Variants in FCF1 observed in about 807,000 individuals in gnomAD.
FCF1 encodes rRNA-processing protein FCF1 homolog.
FCF1 carries 17 observed loss-of-function variants against 32.5 expected under a neutral mutation model. That is an observed-to-expected ratio of 0.52 (90% CI 0.36 to 0.78). FCF1 has a LOEUF of 0.78. Among genes scored for constraint, FCF1 ranks in the 30% least tolerant of loss-of-function variants. The pLI is 0.00. For synonymous variants in FCF1, 84 were observed against 78.4 expected (o/e 1.07, Z -0.38); for missense variants, 201 against 241.1 (o/e 0.83, Z 1.10).
At chr14:74,726,971 G>A (rs1477693063) in intron 5 of FCF1, among the ~76,000 whole-genome samples, 1 of 152,008 alleles carries the variant, frequency 6.6e-6, no homozygotes, top group Non-Finnish European at 1.5e-5. Flanking sequence ...ATTCCATGGT[G>A]TATATGTGCC....
At chr14:74,717,806 A>G (rs1303057028) in intron 4 of FCF1, among the ~76,000 whole-genome samples, 1 of 152,166 alleles carries the variant, frequency 6.6e-6, no homozygotes, top group Non-Finnish European at 1.5e-5. Context: ...TACCTCCACC[A>G]GTAATATCTA....
intron 6 of FCF1, among the ~76,000 whole-genome samples, chr14:74,733,735 C>T (rs2090668064): frequency 6.6e-6 from 1 of 152,082 alleles, no homozygotes; most frequent in Admixed American, 6.6e-5. Flanking sequence ...CATGGAGTTC[C>T]TCGGAGCATT....
At chr14:74,722,930 C>T (rs2090525443) in intron 4 of FCF1, among the ~76,000 whole-genome samples, 2 of 151,420 alleles carry the variant, frequency 1.3e-5, no homozygotes, top group Admixed American at 6.6e-5. Flanking sequence ...CCACTGCGCT[C>T]CAGCCTGGGC....
chr14:74,713,239 A>G (rs766221110), intron 1 of FCF1, 39 bp downstream of exon 1: 23 of 1,614,166 alleles, frequency 1.4e-5, no homozygotes, highest in Non-Finnish European at 1.9e-5. Flanking sequence ...TTATCAGGCC[A>G]CTTTTTGGGT....
At chr14:74,726,468 T>C (rs2090579318) in intron 5 of FCF1, among the ~76,000 whole-genome samples, 1 of 151,340 alleles carries the variant, frequency 6.6e-6, no homozygotes, top group Non-Finnish European at 1.5e-5. Context: ...AGACCCTGTC[T>C]CAAAAAAAAA....
intron 4 of FCF1, 128 bp downstream of exon 4, chr14:74,716,227 C>A: frequency 1.2e-6 from 1 of 855,856 alleles, no homozygotes; most frequent in Non-Finnish European, 1.9e-6. Context: ...CAGTGGTCAC[C>A]ATAGCAGTGA....
Position 74,736,144 on chromosome 14 carries a change from C to G in FCF1, c.*1214C>G. On this transcript the variant is annotated 3_prime_UTR_variant, in exon 8 of 8. Coordinates refer to ENST00000341162, the MANE Select transcript of FCF1 (RefSeq NM_015962.5). ...AAAAACTAGGCCAGGCATGGTGGCT[C>G]ATTCCTGTAATCCCAGCACTTTGGG... 1 of 152,248 alleles carries G rather than the reference C, an allele frequency of 6.6e-6. No individual in the cohort carries two copies. Among genetic ancestry groups the G allele is most frequent in the East Asian group, 1.9e-4 (1 of 5,184 alleles). 9.4% of individuals were successfully genotyped at this position (152,248 alleles called of 1,614,324 possible).
Position 74,734,044 on chromosome 14 carries a change from TCA to T in FCF1, c.454-31_454-30del, listed in dbSNP as rs1212186975. ...TATTCACTAAGCGTGCTCAGTGACCTCAGTGTGAACATCACTCCATGTCTCTT... is the reference window on the plus strand; with the variant it reads ...TATTCACTAAGCGTGCTCAGTGACCTGTGTGAACATCACTCCATGTCTCTT... On this transcript the variant is annotated intron_variant, in intron 6 of 7. Coordinates refer to ENST00000341162, the MANE Select transcript of FCF1 (RefSeq NM_015962.5). 5 of 1,452,052 alleles carry T rather than the reference TCA, an allele frequency of 3.4e-6. No homozygotes were observed. In the African/African-American group the frequency reaches 4.2e-5, roughly 12 times the overall value. 89.9% of individuals were successfully genotyped at this position (1,452,052 alleles called of 1,614,324 possible). A position where few individuals can be genotyped will look rare whatever the true frequency, so the allele number is the denominator to read the frequency against.
rs992960547 is a variant in FCF1 at position 74,735,268 on chromosome 14, G to A, written c.*338G>A. The A allele has an allele frequency of 5.0e-6, 1 of 201,470 alleles. No homozygotes were observed. The highest frequency in any genetic ancestry group is 1.0e-5 in the Non-Finnish European group (1 of 99,886). The allele number at this position is 201,470 out of a possible 1,614,324, so 12.5% of individuals were successfully genotyped here. ...CTTTTCAAGGAAAATCATGTTTTAC[G>A]ACTTGAGTTTATCTGTCTAGTTACC... On this transcript the variant is annotated 3_prime_UTR_variant, in exon 8 of 8. Transcript: ENST00000341162.
chr14:74,715,416 T>C (rs1477415415), intron 3 of FCF1, among the ~76,000 whole-genome samples: 1 of 152,154 alleles, frequency 6.6e-6, no homozygotes, highest in African/African-American at 2.4e-5. Context: ...TTCCCTGGAT[T>C]GGTAATGGAC....
At chr14:74,728,255 T>G (rs1022347351) in intron 5 of FCF1, among the ~76,000 whole-genome samples, 1 of 152,226 alleles carries the variant, frequency 6.6e-6, no homozygotes, top group African/African-American at 2.4e-5. Context: ...GTTCTTCCAT[T>G]TGTTTGTGTC....
intron 2 of FCF1, 79 bp downstream of exon 2, chr14:74,713,631 A>C: frequency 2.2e-6 from 3 of 1,335,660 alleles, no homozygotes; most frequent in Non-Finnish European, 3.1e-6. Context: ...GTTTGTTGTT[A>C]TTATTTTGTT....
At chr14:74,715,009 C>T (rs2090398093) in intron 3 of FCF1, 66 bp downstream of exon 3, 1 of 1,499,078 alleles carries the variant, frequency 6.7e-7, no homozygotes, top group East Asian at 2.4e-5. Flanking sequence ...CAGGCTTTCC[C>T]TGAGCTGGTT....
intron 5 of FCF1, among the ~76,000 whole-genome samples, chr14:74,723,570 T>C (rs1464954393): frequency 6.6e-6 from 1 of 152,094 alleles, no homozygotes; most frequent in Non-Finnish European, 1.5e-5. Context: ...CTCGGTGGCC[T>C]GTAATCCCAG....
rs2090725934 is a variant in FCF1, at chr14:74,738,448, A to G, written c.*3518A>G. 6.6e-6 allele frequency: 1 copy of G among 152,242 alleles called. No homozygotes were observed. 9.4% of individuals were successfully genotyped at this position (152,242 alleles called of 1,614,324 possible). ...ATATTAAAATTATAGATTTCTGTGCAAGACACTCCCCTCCCCTAAAAAACA... is the reference window on the plus strand; with the variant it reads ...ATATTAAAATTATAGATTTCTGTGCGAGACACTCCCCTCCCCTAAAAAACA... On this transcript the variant is annotated 3_prime_UTR_variant, in exon 8 of 8. Coordinates refer to ENST00000341162, the MANE Select transcript of FCF1 (RefSeq NM_015962.5).
At chr14:74,713,609 A>C in intron 2 of FCF1, 57 bp downstream of exon 2, 1 of 1,451,322 alleles carries the variant, frequency 6.9e-7, no homozygotes, top group Non-Finnish European at 9.5e-7. Flanking sequence ...AGAGAGGATA[A>C]GTAGTAAAAA....
intron 4 of FCF1, among the ~76,000 whole-genome samples, chr14:74,720,943 A>G (rs1337232554): frequency 6.7e-6 from 1 of 149,818 alleles, no homozygotes; most frequent in Non-Finnish European, 1.5e-5. Context: ...CAGTGGTGTA[A>G]TCTCAGCTCA....
At chr14:74,721,592 T>C (rs955654509) in intron 4 of FCF1, among the ~76,000 whole-genome samples, 16 of 152,084 alleles carry the variant, frequency 1.1e-4, no homozygotes, top group Admixed American at 3.9e-4. Flanking sequence ...TCCCAGCTAC[T>C]TGGGAGGCTG....
chr14:74,734,968 A>C lies in FCF1; in HGVS notation c.*38A>C. The C allele has an allele frequency of 1.3e-6, 2 of 1,564,114 alleles. No homozygotes were observed. Among genetic ancestry groups the C allele is most frequent in the Non-Finnish European group, 1.8e-6 (2 of 1,134,796 alleles). On this transcript the variant is annotated 3_prime_UTR_variant, in exon 8 of 8. Coordinates refer to ENST00000341162, the MANE Select transcript of FCF1 (RefSeq NM_015962.5). ...ACAGTTCCTCTGCCTTTCTTCGACC[A>C]ACTTTCTCTTGTTGCCAGTTCATTA...
Sources: gnomAD v4.1 joint callset for allele counts (sites outside exome capture counted in the v4.1 genomes callset) on GRCh38, gnomAD v4.1.1 for gene constraint, MANE v1.5 for transcripts, NCBI Gene and HGNC (gene_info 2026-07-23, HGNC 2026-07-21) for gene names.